GLYR1: variants seen among roughly 807,000 people sequenced by gnomAD.
The protein encoded by GLYR1 is cytokine-like nuclear factor N-PAC.
In GLYR1, 21 loss-of-function variants were observed where a neutral mutation model predicts 72.7. That is an observed-to-expected ratio of 0.29 (90% CI 0.20 to 0.42). The LOEUF (loss-of-function observed/expected upper bound fraction) is 0.42. Among genes scored for constraint, GLYR1 ranks in the 10% least tolerant of loss-of-function variants. The pLI, the probability that GLYR1 is intolerant of heterozygous loss-of-function variation, is 1.00. For synonymous variants in GLYR1, 392 were observed against 270.2 expected (o/e 1.45, Z -4.42); for missense variants, 594 against 712.1 (o/e 0.83, Z 1.89).
intron 15 of GLYR1, among the ~76,000 whole-genome samples, chr16:4,806,675 A>G (rs1213893930): frequency 6.6e-6 from 1 of 152,088 alleles, no homozygotes; most frequent in Non-Finnish European, 1.5e-5. Context: ...CACAAGTATA[A>G]GCCACTGTGC....
chr16:4,820,991 C>T (rs1420265864), intron 9 of GLYR1, among the ~76,000 whole-genome samples: 2 of 152,244 alleles, frequency 1.3e-5, no homozygotes, highest in Non-Finnish European at 2.9e-5. Flanking sequence ...GTTCTCACAG[C>T]GTAGCTCTGA....
chr16:4,823,768 C>T (rs879205443), intron 6 of GLYR1, 53 bp downstream of exon 6: 4 of 1,238,580 alleles, frequency 3.2e-6, no homozygotes, highest in South Asian at 1.3e-5. Context: ...AAGGATCACA[C>T]AGGAACCTCG....
chr16:4,817,965 C>A, intron 9 of GLYR1: 1 of 370,030 alleles, frequency 2.7e-6, no homozygotes, highest in Non-Finnish European at 5.0e-6. Flanking sequence ...GTGTATGGTT[C>A]AGGGCCAGTC....
intron 2 of GLYR1, among the ~76,000 whole-genome samples, chr16:4,845,445 G>A (rs892583556): frequency 1.3e-5 from 2 of 152,240 alleles, no homozygotes; most frequent in African/African-American, 2.4e-5. Context: ...CAGTGGCCCT[G>A]TTTTACAAGC....
Position 4,804,927 on chromosome 16 carries a change from G to A in GLYR1, c.*309C>T, listed in dbSNP as rs1299911140. 1.3e-5 allele frequency: 5 copies of A among 387,266 alleles called. No homozygotes were observed. The highest frequency in any genetic ancestry group is 1.1e-4 in the Admixed American group (3 of 26,456). The allele number at this position is 387,266 out of a possible 1,614,324, so 24.0% of individuals were successfully genotyped here. On this transcript the variant is annotated 3_prime_UTR_variant, in exon 16 of 16. Coordinates refer to ENST00000321919, the MANE Select transcript of GLYR1 (RefSeq NM_032569.4). ...TTCTGGGCAGCTTCTATCCTGGGGCGAGAGCCTGTGTGTGTGTGTGTGTGT... is the reference window on the plus strand; with the variant it reads ...TTCTGGGCAGCTTCTATCCTGGGGCAAGAGCCTGTGTGTGTGTGTGTGTGT...
At chr16:4,836,636 T>C (rs1199726516) in intron 3 of GLYR1, among the ~76,000 whole-genome samples, 1 of 152,156 alleles carries the variant, frequency 6.6e-6, no homozygotes, top group African/African-American at 2.4e-5. Flanking sequence ...AAGCAATGCA[T>C]GTTATGTGCT....
In GLYR1 at chr16:4,823,829, CG is replaced by C. The variant is rs2084204147; in HGVS notation, c.615del (p.Ala206GlnfsTer17). ...GCAGGAGAGCTCCTTACCTCGCTTG[CG>C]GTTGGCTGCCATTTAAACGCGGCCA... ...GPMAAFKWQP[T>X]ASEPVKDADP... On this transcript the variant is annotated frameshift_variant, in exon 6 of 16. Transcript: ENST00000321919. LOFTEE classifies it high-confidence loss of function. The C allele has an allele frequency of 6.2e-7, 1 of 1,613,698 alleles. No homozygotes were observed. The highest frequency in any genetic ancestry group is 1.7e-5 in the Admixed American group (1 of 59,976).
chr16:4,812,358 T>C, intron 12 of GLYR1, 110 bp from the exon 13 acceptor site: 1 of 1,231,240 alleles, frequency 8.1e-7, no homozygotes, highest in Non-Finnish European at 1.1e-6. Context: ...CTTCCAGAGC[T>C]GGAGGGGACG....
At chr16:4,847,073 C>A (rs1410022119) in intron 1 of GLYR1, 155 bp downstream of exon 1, 1 of 704,000 alleles carries the variant, frequency 1.4e-6, no homozygotes, top group African/African-American at 1.8e-5. Flanking sequence ...ACTGCCCCTT[C>A]CGCCTGGCGC....
chr16:4,818,273 G>A (rs151245291), intron 9 of GLYR1, among the ~76,000 whole-genome samples: 9 of 152,314 alleles, frequency 5.9e-5, no homozygotes, highest in African/African-American at 1.9e-4. Context: ...GATTACAGGC[G>A]TGAGCCACCA....
rs370965411 is a variant in GLYR1, at chr16:4,846,538, C to G, written c.39-328G>C. The G allele has an allele frequency of 1.0e-3, 309 of 296,882 alleles. 7 individuals are homozygous for G. In the South Asian group the frequency reaches 0.011, roughly 10 times the overall value. The allele number at this position is 296,882 out of a possible 1,614,324, so 18.4% of individuals were successfully genotyped here. A position where few individuals can be genotyped will look rare whatever the true frequency, so the allele number is the denominator to read the frequency against. ...TTCCCTCCCTAAGTCTGGTTTAATT[C>G]AACAGGAGACCTGCCTGGCTTTGAC... On this transcript the variant is annotated intron_variant, in intron 1 of 15. Transcript: ENST00000321919.
chr16:4,806,888 G>A (rs992225937), intron 15 of GLYR1, among the ~76,000 whole-genome samples: 1 of 144,664 alleles, frequency 6.9e-6, no homozygotes, highest in African/African-American at 2.7e-5. Context: ...TGCCAGCTCT[G>A]CTCTGCCTCC....
Position 4,811,674 on chromosome 16 carries a change from T to C in GLYR1, c.1411A>G (p.Ile471Val), listed in dbSNP as rs1350250890. Residue 471 changes from isoleucine (I) to valine (V), a missense_variant, in exon 14 of 16, where the codon ATC (isoleucine) becomes GTC (valine). Around this residue, in one of 5 missense-constraint regions of GLYR1, gnomAD observed 266 missense variants for 358.4 expected, o/e 0.74. Transcript: ENST00000321919. ...CTGGCCAACTGTCCCTGATTGAGGA[T>C]GTCCAAGAGTGTCTGCTGGGACTGG... ...TGQSQQTLLD[I>V]LNQGQLASIF... 6.2e-7 allele frequency: 1 copy of C among 1,614,098 alleles called. No homozygotes were observed. Among genetic ancestry groups the C allele is most frequent in the Non-Finnish European group, 8.5e-7 (1 of 1,180,050 alleles).
chr16:4,843,472 C>A (rs1596417704), intron 3 of GLYR1: 2 of 1,251,666 alleles, frequency 1.6e-6, no homozygotes, highest in East Asian at 5.8e-5. Context: ...CTTTTTAAAT[C>A]CATGGAGTTC....
chr16:4,808,389 G>A (rs760429352), intron 15 of GLYR1, among the ~76,000 whole-genome samples: 1 of 152,104 alleles, frequency 6.6e-6, no homozygotes, highest in Non-Finnish European at 1.5e-5. Flanking sequence ...CTGAGGTCAG[G>A]AGTTTGAGAC....
At chr16:4,822,649 A>T (rs1213010628) in intron 7 of GLYR1, among the ~76,000 whole-genome samples, 1 of 152,228 alleles carries the variant, frequency 6.6e-6, no homozygotes, top group East Asian at 1.9e-4. Flanking sequence ...TCAGCCTCCC[A>T]AAGTACTGGG....
At chr16:4,810,432 C>T (rs956344129) in intron 15 of GLYR1, among the ~76,000 whole-genome samples, 18 of 151,706 alleles carry the variant, frequency 1.2e-4, no homozygotes, top group Non-Finnish European at 2.5e-4. Context: ...ATCTATTGAA[C>T]CCAGGAGGCA....
intron 15 of GLYR1, among the ~76,000 whole-genome samples, chr16:4,805,759 C>G (rs1001920161): frequency 6.6e-6 from 1 of 151,836 alleles, no homozygotes; most frequent in African/African-American, 2.4e-5. Context: ...GGGTGAATCA[C>G]GAGGTCAGGA....
chr16:4,843,628 A>G (rs1292595631), intron 3 of GLYR1: 1 of 1,289,148 alleles, frequency 7.8e-7, no homozygotes, highest in Admixed American at 2.3e-5. Flanking sequence ...CAGGAAGAGC[A>G]TCTGACATAT....
Sources: gnomAD v4.1 joint callset for allele counts (sites outside exome capture counted in the v4.1 genomes callset) on GRCh38, gnomAD v4.1.1 for gene constraint, gnomAD v4.1.1 regional missense constraint, MANE v1.5 for transcripts, NCBI Gene and HGNC (gene_info 2026-07-23, HGNC 2026-07-21) for gene names.